Variants in ZNF560 observed in about 807,000 individuals in gnomAD.
The protein encoded by ZNF560 is zinc finger protein 560.
ZNF560 carries 54 observed loss-of-function variants against 81.8 expected under a neutral mutation model. The observed-to-expected ratio is 0.66, with a 90% CI of 0.53 to 0.83. The LOEUF (loss-of-function observed/expected upper bound fraction) is 0.83, where lower values mean the gene tolerates loss of function less well. Among genes scored for constraint, ZNF560 ranks in the 40% least tolerant of loss-of-function variants. The probability of loss-of-function intolerance (pLI) is 0.00; values close to 1 mark genes in which losing one functional copy is unlikely to be tolerated. For synonymous variants in ZNF560, 321 were observed against 317.9 expected (o/e 1.01, Z -0.10); for missense variants, 940 against 932.4 (o/e 1.01, Z -0.11).
rs1266052937 is a variant in ZNF560, at chr19:9,470,433, C to G, written c.407G>C (p.Ser136Thr). 1.9e-6 allele frequency: 3 copies of G among 1,613,926 alleles called. No individual in the cohort carries two copies. In the East Asian group the frequency reaches 6.7e-5, roughly 36 times the overall value. ...LLDPAQRNLY[S>T]DVMLENYKNL... is the part of the protein sequence containing the mutation. ...CTTGTAGTTCTCCAGCATCACATCACTGTACAGGTTTCTCTGAGCTGGGTC... is the reference window on the plus strand; with the variant it reads ...CTTGTAGTTCTCCAGCATCACATCAGTGTACAGGTTTCTCTGAGCTGGGTC... The change falls in exon 7 of 10, where the codon AGT becomes ACT. Residue 136 changes from serine to threonine, a missense_variant. Ser to Thr is a moderately conservative substitution (Grantham distance 58). Coordinates refer to ENST00000301480, the MANE Select transcript of ZNF560 (RefSeq NM_152476.3).
chr19:9,454,369 T>A, the ZNF560 span, among the ~76,000 whole-genome samples: 333 of 152,350 alleles, frequency 2.2e-3, no homozygotes, highest in Middle Eastern at 0.017. Flanking sequence ...GGTTGAGGTC[T>A]CCATGACCAA....
the ZNF560 span, among the ~76,000 whole-genome samples, chr19:9,452,495 C>T: frequency 6.6e-6 from 1 of 152,166 alleles, no homozygotes; most frequent in African/African-American, 2.4e-5. Context: ...GACATGGAAT[C>T]AACCTAAATG....
At chr19:9,486,439 G>GA (rs1256677677) in intron 2 of ZNF560, among the ~76,000 whole-genome samples, 1 of 152,154 alleles carries the variant, frequency 6.6e-6, no homozygotes, top group African/African-American at 2.4e-5. Context: ...ATAAGTGTTA[G>GA]AAATAATATT....
the ZNF560 span, among the ~76,000 whole-genome samples, chr19:9,455,335 T>C: frequency 6.6e-6 from 1 of 152,212 alleles, no homozygotes; most frequent in Admixed American, 6.5e-5. Context: ...CTCGAGCCTG[T>C]CTGGCTCCTG....
At chr19:9,447,148 A>T in the ZNF560 span, among the ~76,000 whole-genome samples, 3 of 151,876 alleles carry the variant, frequency 2.0e-5, no homozygotes, top group African/African-American at 7.3e-5. Context: ...AAAAAAAAAA[A>T]AAAAATAGAC....
Position 9,466,508 on chromosome 19 carries a change from T to C in ZNF560, c.*66A>G, listed in dbSNP as rs2073018512. Reference sequence around the variant, plus strand: ...TTACTTTCTCCTGTGAATTTTTACATGTTCAGTTAGGCTTGAGGAAACAGC... The same window carrying C: ...TTACTTTCTCCTGTGAATTTTTACACGTTCAGTTAGGCTTGAGGAAACAGC... On this transcript the variant is annotated 3_prime_UTR_variant, in exon 10 of 10. Coordinates refer to ENST00000301480, the MANE Select transcript of ZNF560 (RefSeq NM_152476.3). 9 of 1,435,316 alleles carry C rather than the reference T, an allele frequency of 6.3e-6. No individual in the cohort carries two copies. The highest frequency in any genetic ancestry group is 2.8e-5 in the South Asian group (2 of 72,014). 88.9% of individuals were successfully genotyped at this position (1,435,316 alleles called of 1,614,324 possible).
Position 9,468,058 on chromosome 19 carries a change from A to G in ZNF560, c.889T>C (p.Tyr297His), listed in dbSNP as rs1349560679. 1.2e-6 allele frequency: 2 copies of G among 1,614,172 alleles called. No individual in the cohort carries two copies. Among genetic ancestry groups the G allele is most frequent in the South Asian group, 2.2e-5 (2 of 91,080 alleles). Reference sequence around the variant, plus strand: ...GACTGATAAATGAAGGCTTTCCCATAGTCAGTGCCTTCAAAGGATTTATCT... The same window carrying G: ...GACTGATAAATGAAGGCTTTCCCATGGTCAGTGCCTTCAAAGGATTTATCT... ...TQDKSFEGTD[Y>H]GKAFIYQSYL... The change falls in exon 10 of 10, where the codon TAT (tyrosine) becomes CAT (histidine). Residue 297 changes from tyrosine (Y) to histidine (H), a missense_variant. Transcript: ENST00000301480.
chr19:9,467,007 A>C lies in ZNF560; in HGVS notation c.1940T>G (p.Leu647Ter). The C allele has an allele frequency of 6.2e-7, 1 of 1,614,042 alleles. No homozygotes were observed. Among genetic ancestry groups the C allele is most frequent in the South Asian group, 1.1e-5 (1 of 91,076 alleles). The change falls in exon 10 of 10, where the codon TTA (leucine) becomes TGA (stop). Residue 647 changes from leucine to a stop codon, truncating the protein, a stop_gained. Coordinates refer to ENST00000301480, the MANE Select transcript of ZNF560 (RefSeq NM_152476.3). LOFTEE classifies it high-confidence loss of function. ...GGGTTTATATCCAGTGTGAGTTCTT[A>C]AATGATCAACTAGACTGGAGGAGAC... is the stretch of plus-strand genomic sequence containing the variant. ...FVVSSSLVDH[L>*]RTHTGYKPYK...
chr19:9,492,309 G>T (rs894365229), intron 2 of ZNF560, among the ~76,000 whole-genome samples: 2 of 152,102 alleles, frequency 1.3e-5, no homozygotes, highest in Admixed American at 1.3e-4. Context: ...TATCATGAAG[G>T]TGACTAAGAT....
chr19:9,467,829 A>T lies in ZNF560; in HGVS notation c.1118T>A (p.Ile373Lys). 1 of 1,614,194 alleles carries T rather than the reference A, an allele frequency of 6.2e-7. No homozygotes were observed. Among genetic ancestry groups the T allele is most frequent in the Non-Finnish European group, 8.5e-7 (1 of 1,180,034 alleles). ...ACAGTGCTTACATTTATAAGGTTTT[A>T]TCCCAATGTGGGTTTGCATGTGATT... is the stretch of plus-strand genomic sequence containing the variant. ...LNNHMQTHIGIKPYKCKHCGK... is the reference protein window; with the variant it reads ...LNNHMQTHIGKKPYKCKHCGK... Residue 373 changes from isoleucine (I) to lysine (K), a missense_variant, in exon 10 of 10, where the codon ATA becomes AAA. Coordinates refer to ENST00000301480, the MANE Select transcript of ZNF560 (RefSeq NM_152476.3).
chr19:9,473,349 A>C (rs186190326), intron 4 of ZNF560, 90 bp from the exon 5 acceptor site: 74 of 914,914 alleles, frequency 8.1e-5, no homozygotes, highest in Middle Eastern at 2.3e-4. Context: ...GGGAGGCTGA[A>C]GTGGGTGGAT....
chr19:9,486,909 A>G lies in ZNF560; in HGVS notation c.-57+11219T>C, dbSNP rs541417191. Among the ~76,000 whole-genome samples the G allele has an allele frequency of 3.9e-5, 6 of 152,320 alleles. No homozygotes were observed. The South Asian group carries it at 1.2e-3, about 32-fold the overall frequency. ...TCTATGTCCTTGTACTTTAACCAAG[A>G]TATTTATTCTAGACATGCTCAGCCA... On this transcript the variant is annotated intron_variant, in intron 2 of 9. Transcript: ENST00000301480.
intron 8 of ZNF560, among the ~76,000 whole-genome samples, chr19:9,469,403 AACAAAAGCAT>A (rs1269353956): frequency 1.3e-5 from 2 of 152,206 alleles, no homozygotes; most frequent in Non-Finnish European, 2.9e-5. Flanking sequence ...GAAAAATTGG[AACAAAAGCAT>A]ACAATAAATC....
intron 2 of ZNF560, among the ~76,000 whole-genome samples, chr19:9,497,534 CAAAAAAA>C (rs58468618): frequency 3.6e-4 from 24 of 67,558 alleles, no homozygotes; most frequent in East Asian, 1.0e-3. Flanking sequence ...GACCCCCTCT[CAAAAAAA>C]AAAAAAAAAA....
rs758930287 is a variant in ZNF560, at chr19:9,469,658, C to T, written c.501G>A (p.Glu167=). Reference sequence around the variant, plus strand: ...GGAGAACTCTTGGCAGTGTGCTCAACTCTTCCTCTTCCTCCAGCCAAGAGA... The same window carrying T: ...GGAGAACTCTTGGCAGTGTGCTCAATTCTTCCTCTTCCTCCAGCCAAGAGA... ...SLISWLEEEE[E]LSTLPRVLQE... Residue 167 remains glutamate, a synonymous_variant, in exon 8 of 10, where the codon GAG becomes GAA. Coordinates refer to ENST00000301480, the MANE Select transcript of ZNF560 (RefSeq NM_152476.3). 1.2e-6 allele frequency: 2 copies of T among 1,614,072 alleles called. No homozygotes were observed. Among genetic ancestry groups the T allele is most frequent in the Admixed American group, 1.7e-5 (1 of 60,000 alleles).
intron 2 of ZNF560, among the ~76,000 whole-genome samples, chr19:9,485,031 C>A (rs1283035472): frequency 6.6e-6 from 1 of 152,076 alleles, no homozygotes; most frequent in Non-Finnish European, 1.5e-5. Context: ...ACCTACCAAA[C>A]ACTAAATACT....
intron 2 of ZNF560, among the ~76,000 whole-genome samples, chr19:9,487,490 C>A (rs2073403878): frequency 6.6e-6 from 1 of 152,150 alleles, no homozygotes; most frequent in African/African-American, 2.4e-5. Flanking sequence ...TGCAATTACA[C>A]TTTGAGAGGC....
chr19:9,462,370 AG>A (rs1328753863), downstream of ZNF560, among the ~76,000 whole-genome samples: 17 of 152,232 alleles, frequency 1.1e-4, no homozygotes, highest in African/African-American at 4.1e-4. Flanking sequence ...ATAACAAGCC[AG>A]AGCCTGTCCC....
chr19:9,450,542 T>C, the ZNF560 span, among the ~76,000 whole-genome samples: 527 of 152,232 alleles, frequency 3.5e-3, 4 homozygotes, highest in African/African-American at 0.012. Context: ...TGTATAAAAA[T>C]CAGCATTTAT....
Sources: allele counts gnomAD v4.1 joint callset (sites outside exome capture counted in the v4.1 genomes callset), GRCh38; gene constraint gnomAD v4.1.1; transcripts MANE v1.5; gene names NCBI Gene and HGNC (gene_info 2026-07-23, HGNC 2026-07-21).